The following MTUS2 variants were observed in gnomAD, a reference collection of about 807,000 sequenced individuals.
MTUS2 encodes microtubule associated scaffold protein 2, also known as microtubule-associated tumor suppressor candidate 2.
MTUS2 carries 40 observed loss-of-function variants against 114.1 expected under a neutral mutation model. The observed-to-expected ratio is 0.35, with a 90% CI of 0.27 to 0.46. The LOEUF (loss-of-function observed/expected upper bound fraction) is 0.46, where lower values mean the gene tolerates loss of function less well. Ranked by LOEUF, MTUS2 falls within the 20% of genes least tolerant of loss-of-function variation. MTUS2 has a pLI of 1.00. For synonymous variants in MTUS2, 688 were observed against 672.0 expected (o/e 1.02, Z -0.37); for missense variants, 1,679 against 1,705.4 (o/e 0.98, Z 0.27).
chr13:29,100,717 C>A, intron 4 of MTUS2, 56 bp from the exon 5 acceptor site: 1 of 1,524,770 alleles, frequency 6.6e-7, no homozygotes, highest in South Asian at 1.2e-5. Context: ...CTGTAGAATT[C>A]ATTATCTCAT....
intron 5 of MTUS2, among the ~76,000 whole-genome samples, chr13:29,279,511 C>A (rs1898188492): frequency 6.6e-6 from 1 of 152,136 alleles, no homozygotes; most frequent in South Asian, 2.1e-4. Flanking sequence ...GTACTGGGAG[C>A]ATTTATAGAA....
intron 5 of MTUS2, among the ~76,000 whole-genome samples, chr13:29,158,358 C>CCCCCCCCCCCTTT: frequency 5.6e-4 from 18 of 32,054 alleles, no homozygotes; most frequent in African/African-American, 8.2e-4. Flanking sequence ...GTCCACCCCG[C>CCCCCCCCCCCTTT]TTTTTTTTTT....
chr13:28,864,270 G>T (rs1157159414), intron 2 of MTUS2, among the ~76,000 whole-genome samples: 1 of 152,146 alleles, frequency 6.6e-6, no homozygotes, highest in Non-Finnish European at 1.5e-5. Context: ...TTAACTACAT[G>T]CTCATCATAG....
chr13:29,266,768 G>T (rs1056610841), intron 5 of MTUS2, among the ~76,000 whole-genome samples: 13 of 152,172 alleles, frequency 8.5e-5, no homozygotes, highest in African/African-American at 2.4e-5. Flanking sequence ...GATAGGAAGT[G>T]GCCCCCTGGG....
At chr13:29,400,668 T>C (rs778267961) in intron 8 of MTUS2, among the ~76,000 whole-genome samples, 2 of 152,206 alleles carry the variant, frequency 1.3e-5, no homozygotes, top group Non-Finnish European at 2.9e-5. Flanking sequence ...ATAACCAAAG[T>C]GTCATTAGCT....
intron 5 of MTUS2, among the ~76,000 whole-genome samples, chr13:29,175,855 A>G (rs551697989): frequency 1.3e-4 from 20 of 151,350 alleles, no homozygotes; most frequent in African/African-American, 3.4e-4. Context: ...AATATCACAC[A>G]TATTTTAAAT....
rs374147326 is a variant in MTUS2 at position 29,177,288 on chromosome 13, A to T, written c.2644+76318A>T. ...CCTTTAAGTCATACTTAAAGCTATG[A>T]GACTAGATAAAATCACAAAGGAAGT... On this transcript the variant is annotated intron_variant, in intron 5 of 15. Coordinates refer to ENST00000612955, the MANE Select transcript of MTUS2 (RefSeq NM_001033602.4). 2.8e-4 allele frequency among the ~76,000 whole-genome samples: 42 copies of T among 151,172 alleles called. 2 individuals carry two copies. Among genetic ancestry groups the T allele is most frequent in the African/African-American group, 1.0e-3 (41 of 40,488 alleles).
chr13:28,864,339 A>G (rs918494436), intron 2 of MTUS2, among the ~76,000 whole-genome samples: 4 of 152,108 alleles, frequency 2.6e-5, no homozygotes, highest in Admixed American at 1.3e-4. Context: ...TCTCTACCCT[A>G]TTTTATGGGG....
intron 2 of MTUS2, among the ~76,000 whole-genome samples, chr13:28,848,660 C>T (rs539923288): frequency 1.3e-5 from 2 of 151,962 alleles, no homozygotes; most frequent in African/African-American, 2.4e-5. Context: ...TAAACATTCC[C>T]GTTATCACTT....
chr13:29,104,543 T>G (rs949956350), intron 5 of MTUS2, among the ~76,000 whole-genome samples: 3 of 152,180 alleles, frequency 2.0e-5, no homozygotes, highest in African/African-American at 7.2e-5. Flanking sequence ...AGAAGCCACC[T>G]CTGAGGCTCT....
At chr13:28,960,696 G>A (rs1883288087) in intron 2 of MTUS2, among the ~76,000 whole-genome samples, 2 of 152,168 alleles carry the variant, frequency 1.3e-5, no homozygotes, top group South Asian at 4.1e-4. Context: ...TCCAGGGACT[G>A]GGGAGAAAGG....
intron 8 of MTUS2, among the ~76,000 whole-genome samples, chr13:29,439,545 G>A (rs910739882): frequency 6.6e-6 from 1 of 152,120 alleles, no homozygotes; most frequent in Non-Finnish European, 1.5e-5. Flanking sequence ...ATGGACAAAA[G>A]GGTAAGTTTA....
chr13:29,106,850 CT>C (rs1007948863), intron 5 of MTUS2, among the ~76,000 whole-genome samples: 1 of 152,084 alleles, frequency 6.6e-6, no homozygotes, highest in Non-Finnish European at 1.5e-5. Context: ...CATGGTGCCC[CT>C]ATGCCTGCTT....
intron 4 of MTUS2, among the ~76,000 whole-genome samples, chr13:29,065,652 T>C (rs74791586): frequency 0.016 from 2,461 of 152,312 alleles, 58 homozygotes; most frequent in African/African-American, 0.056. Context: ...TTTTGTGGGA[T>C]TGCAGTAATT....
chr13:29,154,791 A>G (rs761305400), intron 5 of MTUS2, among the ~76,000 whole-genome samples: 1 of 152,238 alleles, frequency 6.6e-6, no homozygotes, highest in African/African-American at 2.4e-5. Flanking sequence ...ACAGGGAAAC[A>G]TTCAGTTGTC....
At chr13:28,995,559 A>C (rs1002246539) in intron 2 of MTUS2, among the ~76,000 whole-genome samples, 2 of 151,944 alleles carry the variant, frequency 1.3e-5, no homozygotes, top group Non-Finnish European at 2.9e-5. Flanking sequence ...ATTTGTTTGT[A>C]TACTCTTTTA....
Position 29,381,946 on chromosome 13 carries a change from T to A in MTUS2, c.3117+22473T>A, listed in dbSNP as rs1023183772. Among the ~76,000 whole-genome samples the A allele has an allele frequency of 1.6e-4, 25 of 152,308 alleles. 1 individual carries two copies. The highest frequency in any genetic ancestry group is 5.8e-4 in the African/African-American group (24 of 41,560). The stretch of plus-strand genomic sequence containing the variant: ...TATCACGTTGTGCTGATGTCCATCA[T>A]TCAAGAAATAATCATTGCGTGTCTC... On this transcript the variant is annotated intron_variant, in intron 8 of 15. Coordinates refer to ENST00000612955, the MANE Select transcript of MTUS2 (RefSeq NM_001033602.4).
At chr13:28,861,455 T>TA (rs1876978966) in intron 2 of MTUS2, among the ~76,000 whole-genome samples, 1 of 151,194 alleles carries the variant, frequency 6.6e-6, no homozygotes, top group African/African-American at 2.4e-5. Context: ...TTTTTTTTTT[T>TA]ACCCTTAATG....
chr13:29,213,147 T>A (rs1377816030), intron 5 of MTUS2, among the ~76,000 whole-genome samples: 1 of 152,248 alleles, frequency 6.6e-6, no homozygotes, highest in Non-Finnish European at 1.5e-5. Flanking sequence ...AGTGCAAGGC[T>A]TTTAGGAGCT....
Sources: gnomAD v4.1 joint callset for allele counts (sites outside exome capture counted in the v4.1 genomes callset) on GRCh38, gnomAD v4.1.1 for gene constraint, MANE v1.5 for transcripts, NCBI Gene and HGNC (gene_info 2026-07-23, HGNC 2026-07-21) for gene names.